Variants in MTUS2 observed in about 807,000 individuals in gnomAD.
MTUS2 encodes the protein microtubule associated scaffold protein 2.
Under a neutral mutation model 114.1 loss-of-function variants are expected in MTUS2, and 40 were observed. The observed-to-expected ratio is 0.35, with a 90% CI of 0.27 to 0.46. The LOEUF is 0.46. Among genes scored for constraint, MTUS2 ranks in the 20% least tolerant of loss-of-function variants. The pLI, the probability that MTUS2 is intolerant of heterozygous loss-of-function variation, is 1.00. For missense variants in MTUS2, 1,679 were observed against 1,705.4 expected, an observed-to-expected ratio of 0.98 and a Z score of 0.27; for synonymous variants, 688 against 672.0, an observed-to-expected ratio of 1.02 and a Z score of -0.37.
chr13:28,944,282 T>C (rs776784293), intron 2 of MTUS2, among the ~76,000 whole-genome samples: 2 of 152,212 alleles, frequency 1.3e-5, no homozygotes, highest in Non-Finnish European at 2.9e-5. Context: ...ATGTAAACTA[T>C]AGTCACTTGA....
chr13:29,003,534 A>G (rs1885473474), intron 2 of MTUS2, among the ~76,000 whole-genome samples: 1 of 152,216 alleles, frequency 6.6e-6, no homozygotes, highest in Non-Finnish European at 1.5e-5. Flanking sequence ...GGTCTGGGCC[A>G]GCTATTTATT....
chr13:29,408,215 G>T, intron 8 of MTUS2, among the ~76,000 whole-genome samples: 1 of 151,154 alleles, frequency 6.6e-6, no homozygotes, highest in African/African-American at 2.4e-5. Context: ...TATTGCTTGT[G>T]CTTTTTTTGT....
chr13:29,334,915 C>G (rs1409391288), intron 7 of MTUS2, among the ~76,000 whole-genome samples: 1 of 152,156 alleles, frequency 6.6e-6, no homozygotes, highest in African/African-American at 2.4e-5. Flanking sequence ...TCTTCGTAAG[C>G]TCAGGAGGGT....
chr13:28,868,841 G>A lies in MTUS2; in HGVS notation c.-243+28991G>A, dbSNP rs147252676. Among the ~76,000 whole-genome samples, 771 of 152,218 alleles carry A rather than the reference G, an allele frequency of 5.1e-3. 8 individuals are homozygous for A. The highest frequency in any genetic ancestry group is 6.8e-3 in the Middle Eastern group (2 of 294). On this transcript the variant is annotated intron_variant, in intron 2 of 15. Coordinates refer to ENST00000612955, the MANE Select transcript of MTUS2 (RefSeq NM_001033602.4). Reference sequence around the variant, plus strand: ...TCTGCCATCTTTTAAACATTTCACCGTAGCCTGAGTGATAAAAAGTTCATG... The same window carrying A: ...TCTGCCATCTTTTAAACATTTCACCATAGCCTGAGTGATAAAAAGTTCATG...
chr13:29,492,581 A>G, intron 11 of MTUS2, 65 bp from the exon 12 acceptor site: 1 of 1,379,184 alleles, frequency 7.3e-7, no homozygotes, highest in East Asian at 2.3e-5. Flanking sequence ...AAGTCTGCCA[A>G]AAGAGCCTTG....
chr13:29,205,312 T>C lies in MTUS2; in HGVS notation c.2645-76392T>C, dbSNP rs559277949. ...TGTTTTAGCACAGGCAATGTTGATT[T>C]TATGTGGATTTCCTAAAATTTCCAG... On this transcript the variant is annotated intron_variant, in intron 5 of 15. Transcript: ENST00000612955. Among the ~76,000 whole-genome samples, 156 of 152,346 alleles carry C rather than the reference T, an allele frequency of 1.0e-3. 2 individuals carry two copies. The South Asian group carries it at 0.031, about 31-fold the overall frequency.
intron 5 of MTUS2, among the ~76,000 whole-genome samples, chr13:29,175,828 T>C (rs1260958313): frequency 6.6e-6 from 1 of 152,150 alleles, no homozygotes; most frequent in East Asian, 1.9e-4. Flanking sequence ...CTGTTGTGGC[T>C]GCTGAGCATT....
intron 5 of MTUS2, among the ~76,000 whole-genome samples, chr13:29,200,178 G>A (rs926277818): frequency 6.6e-6 from 1 of 151,400 alleles, no homozygotes; most frequent in African/African-American, 2.4e-5. Flanking sequence ...GTTTTTTCGT[G>A]TCTCTGTCTC....
intron 8 of MTUS2, among the ~76,000 whole-genome samples, chr13:29,364,819 C>T (rs1207581062): frequency 6.6e-6 from 1 of 152,188 alleles, no homozygotes; most frequent in East Asian, 1.9e-4. Context: ...CTCTTTGTTG[C>T]TTCCTAAATC....
chr13:29,316,500 C>T (rs1405751533), intron 6 of MTUS2, among the ~76,000 whole-genome samples: 11 of 152,168 alleles, frequency 7.2e-5, no homozygotes, highest in Admixed American at 7.2e-4. Context: ...CTCTCCCCAA[C>T]ACCCCGACTC....
chr13:28,946,806 C>G (rs1838662369), intron 2 of MTUS2, among the ~76,000 whole-genome samples: 1 of 152,034 alleles, frequency 6.6e-6, no homozygotes. Flanking sequence ...TGCCTTGGCC[C>G]CCCAAACTGC....
intron 4 of MTUS2, among the ~76,000 whole-genome samples, chr13:29,083,173 T>C (rs924550492): frequency 3.3e-5 from 5 of 152,180 alleles, no homozygotes; most frequent in African/African-American, 1.2e-4. Flanking sequence ...TTTCAGGAAT[T>C]TAGCATGGTG....
At chr13:28,898,052 A>C (rs1451776379) in intron 2 of MTUS2, among the ~76,000 whole-genome samples, 1 of 152,142 alleles carries the variant, frequency 6.6e-6, no homozygotes. Context: ...AAGTATAAAA[A>C]AAAAGAACAG....
intron 5 of MTUS2, among the ~76,000 whole-genome samples, chr13:29,248,068 T>A (rs144823331): frequency 9.9e-5 from 15 of 152,284 alleles, no homozygotes; most frequent in Admixed American, 3.3e-4. Context: ...TATTCAGCCA[T>A]AAAAAGGAAT....
chr13:29,077,639 G>C (rs1483212759), intron 4 of MTUS2, among the ~76,000 whole-genome samples: 1 of 152,224 alleles, frequency 6.6e-6, no homozygotes, highest in Non-Finnish European at 1.5e-5. Flanking sequence ...TGCTCCAGCA[G>C]ATTGTCAGCC....
At chr13:29,185,545 A>G (rs1167085918) in intron 5 of MTUS2, among the ~76,000 whole-genome samples, 1 of 152,206 alleles carries the variant, frequency 6.6e-6, no homozygotes, top group African/African-American at 2.4e-5. Flanking sequence ...GCAATTCATC[A>G]CAAGTGCAAG....
intron 5 of MTUS2, among the ~76,000 whole-genome samples, chr13:29,143,348 AT>A (rs1892303938): frequency 6.6e-6 from 1 of 152,132 alleles, no homozygotes; most frequent in African/African-American, 2.4e-5. Flanking sequence ...TTTTCCTTTC[AT>A]TTTTTCTAAA....
At chr13:29,200,521 G>T (rs375006411) in intron 5 of MTUS2, among the ~76,000 whole-genome samples, 83 of 85,384 alleles carry the variant, frequency 9.7e-4, no homozygotes, top group African/African-American at 1.3e-3. Context: ...TTCTTTTTCT[G>T]TTTTTTTTTT....
At chr13:29,442,479 A>C (rs112692892) in intron 9 of MTUS2, among the ~76,000 whole-genome samples, 3 of 152,226 alleles carry the variant, frequency 2.0e-5, no homozygotes, top group African/African-American at 7.2e-5. Flanking sequence ...GGATAAGGCT[A>C]TCCTTGCATC....
Sources: allele counts gnomAD v4.1 joint callset (sites outside exome capture counted in the v4.1 genomes callset), GRCh38; gene constraint gnomAD v4.1.1; transcripts MANE v1.5; gene names NCBI Gene and HGNC (gene_info 2026-07-23, HGNC 2026-07-21).